CNTNAP5: variants seen among roughly 807,000 people sequenced by gnomAD.
The protein encoded by CNTNAP5 is contactin associated protein family member 5.
Under a neutral mutation model 150.2 loss-of-function variants are expected in CNTNAP5, and 72 were observed. The observed-to-expected ratio is 0.48, with a 90% CI of 0.40 to 0.58. The LOEUF (loss-of-function observed/expected upper bound fraction) is 0.58. CNTNAP5 is among the 20% of genes least tolerant of loss of function. The pLI, the probability that CNTNAP5 is intolerant of heterozygous loss-of-function variation, is 0.00. For synonymous variants in CNTNAP5, 672 were observed against 619.8 expected (o/e 1.08, Z -1.25); for missense variants, 1,636 against 1,626.2 (o/e 1.01, Z -0.10).
chr2:124,872,439 T>C (rs1056327356), intron 21 of CNTNAP5, among the ~76,000 whole-genome samples: 1 of 151,214 alleles, frequency 6.6e-6, no homozygotes, highest in East Asian at 1.9e-4. Context: ...TTTGTTCATA[T>C]TGATTACAAT....
At chr2:124,662,523 TA>T (rs2105046764) in intron 13 of CNTNAP5, among the ~76,000 whole-genome samples, 2 of 152,344 alleles carry the variant, frequency 1.3e-5, no homozygotes, top group Admixed American at 1.3e-4. Context: ...CAACAGCCGT[TA>T]AATATGATCT....
chr2:124,617,013 G>A (rs1948836), intron 12 of CNTNAP5, among the ~76,000 whole-genome samples: 140,319 of 152,090 alleles, frequency 0.92, 65,823 homozygotes, highest in East Asian at 1. Context: ...AAATATTGCA[G>A]TGGTGGATTC....
At chr2:124,697,795 A>T (rs1322939785) in intron 13 of CNTNAP5, among the ~76,000 whole-genome samples, 1 of 152,176 alleles carries the variant, frequency 6.6e-6, no homozygotes, top group African/African-American at 2.4e-5. Flanking sequence ...ATATATTTGC[A>T]AACATCTACC....
chr2:124,600,420 G>A lies in CNTNAP5; in HGVS notation c.1757-9381G>A, dbSNP rs566226774. Among the ~76,000 whole-genome samples the A allele has an allele frequency of 4.4e-4, 67 of 152,176 alleles. 2 individuals carry two copies. The South Asian group carries it at 0.013, about 30-fold the overall frequency. ...TATCAGTAGATGAGCCCATCTGGCT[G>A]CCACACACTAGTAACATGTATCAGT... is the stretch of plus-strand genomic sequence containing the variant. On this transcript the variant is annotated intron_variant, in intron 11 of 23. Transcript: ENST00000682447.
chr2:124,515,509 T>A (rs1694689294), intron 8 of CNTNAP5, among the ~76,000 whole-genome samples: 1 of 145,946 alleles, frequency 6.9e-6, no homozygotes, highest in South Asian at 2.2e-4. Context: ...GTTTCCTGAT[T>A]TATTAACTTA....
chr2:124,679,469 A>G (rs1007570546), intron 13 of CNTNAP5, among the ~76,000 whole-genome samples: 2 of 151,798 alleles, frequency 1.3e-5, no homozygotes, highest in Non-Finnish European at 2.9e-5. Flanking sequence ...TTTAATCTCT[A>G]TTTTACAGGT....
chr2:124,535,410 C>T (rs1386201769), intron 10 of CNTNAP5, among the ~76,000 whole-genome samples: 3 of 152,126 alleles, frequency 2.0e-5, no homozygotes, highest in Non-Finnish European at 4.4e-5. Context: ...TTTCTTGTGG[C>T]AAACAAGTTA....
intron 10 of CNTNAP5, among the ~76,000 whole-genome samples, chr2:124,544,786 G>A (rs112422212): frequency 1.2e-4 from 19 of 152,142 alleles, no homozygotes; most frequent in Admixed American, 2.0e-4. Flanking sequence ...GCAGCGGACT[G>A]CACCAGAGGT....
chr2:124,032,302 G>C (rs1344127344), intron 1 of CNTNAP5, among the ~76,000 whole-genome samples: 1 of 152,084 alleles, frequency 6.6e-6, no homozygotes, highest in Non-Finnish European at 1.5e-5. Context: ...GTTATTACTT[G>C]GTAGAAGGAT....
chr2:124,327,125 A>T (rs1484922794), intron 3 of CNTNAP5, among the ~76,000 whole-genome samples: 1 of 151,138 alleles, frequency 6.6e-6, no homozygotes, highest in Non-Finnish European at 1.5e-5. Context: ...GGACTACAGG[A>T]GCCTGCCACC....
chr2:124,613,806 A>G (rs1472267858), intron 12 of CNTNAP5, among the ~76,000 whole-genome samples: 1 of 152,158 alleles, frequency 6.6e-6, no homozygotes, highest in East Asian at 1.9e-4. Context: ...GTAATGTAAA[A>G]AGCCATAATC....
At chr2:124,435,770 T>C (rs562739976) in intron 5 of CNTNAP5, among the ~76,000 whole-genome samples, 1 of 152,272 alleles carries the variant, frequency 6.6e-6, no homozygotes, top group Admixed American at 6.5e-5. Context: ...AACTAAACAA[T>C]ATAGGTTTTT....
intron 21 of CNTNAP5, among the ~76,000 whole-genome samples, chr2:124,884,325 A>G (rs1341698016): frequency 1.3e-5 from 2 of 151,870 alleles, no homozygotes; most frequent in Non-Finnish European, 2.9e-5. Flanking sequence ...GTATGTGCAT[A>G]TTCCTTTCTG....
chr2:124,436,585 G>T (rs893447750), intron 5 of CNTNAP5, among the ~76,000 whole-genome samples: 1 of 152,114 alleles, frequency 6.6e-6, no homozygotes, highest in Non-Finnish European at 1.5e-5. Flanking sequence ...GCTCCGTATT[G>T]CTCATTTATT....
chr2:124,619,170 A>G (rs1677551541), intron 12 of CNTNAP5, among the ~76,000 whole-genome samples: 1 of 152,192 alleles, frequency 6.6e-6, no homozygotes, highest in Non-Finnish European at 1.5e-5. Context: ...GGAGTTTGTG[A>G]TCATCCTTTG....
At chr2:124,607,083 G>A (rs1051609524) in intron 11 of CNTNAP5, among the ~76,000 whole-genome samples, 1 of 152,136 alleles carries the variant, frequency 6.6e-6, no homozygotes, top group African/African-American at 2.4e-5. Flanking sequence ...TTGAGTTACT[G>A]TAGTCTAATG....
At chr2:124,217,662 T>A (rs897924944) in intron 1 of CNTNAP5, among the ~76,000 whole-genome samples, 1 of 152,190 alleles carries the variant, frequency 6.6e-6, no homozygotes, top group Non-Finnish European at 1.5e-5. Flanking sequence ...GAGCTATTTA[T>A]GATACCAATT....
At chr2:124,746,940 A>G (rs576457160) in intron 13 of CNTNAP5, among the ~76,000 whole-genome samples, 34 of 152,060 alleles carry the variant, frequency 2.2e-4, no homozygotes, top group Non-Finnish European at 4.1e-4. Context: ...ATATGTGTAC[A>G]TATATGGGCA....
intron 6 of CNTNAP5, among the ~76,000 whole-genome samples, chr2:124,470,166 G>A (rs1429416744): frequency 6.6e-6 from 1 of 152,082 alleles, no homozygotes; most frequent in African/African-American, 2.4e-5. Context: ...TTCCACAATG[G>A]TTGCAATAAT....
Sources: gnomAD v4.1 joint callset for allele counts (sites outside exome capture counted in the v4.1 genomes callset) on GRCh38, gnomAD v4.1.1 for gene constraint, MANE v1.5 for transcripts, NCBI Gene and HGNC (gene_info 2026-07-23, HGNC 2026-07-21) for gene names.